The following ADGRL3 variants were observed in gnomAD, a reference collection of about 807,000 sequenced individuals.
ADGRL3 encodes the protein adhesion G protein-coupled receptor L3.
Under a neutral mutation model 153.5 loss-of-function variants are expected in ADGRL3, and 62 were observed. The ratio of observed to expected loss-of-function variants is 0.40; its 90% CI spans 0.33 to 0.50. ADGRL3 has a LOEUF of 0.50. Ranked by LOEUF, ADGRL3 falls within the 20% of genes least tolerant of loss-of-function variation. The pLI is 0.47. For missense variants in ADGRL3, 1,641 were observed against 1,859.4 expected, an observed-to-expected ratio of 0.88 and a Z score of 2.16; for synonymous variants, 710 against 672.5, an observed-to-expected ratio of 1.06 and a Z score of -0.86.
At chr4:61,282,505 G>A (rs1051277899) in intron 1 of ADGRL3, among the ~76,000 whole-genome samples, 2 of 151,998 alleles carry the variant, frequency 1.3e-5, no homozygotes, top group Non-Finnish European at 2.9e-5. Context: ...GTAGTATAGT[G>A]AGAAGTTGGC....
At chr4:61,396,113 G>A (rs940805800) in intron 2 of ADGRL3, among the ~76,000 whole-genome samples, 1 of 151,898 alleles carries the variant, frequency 6.6e-6, no homozygotes, top group Non-Finnish European at 1.5e-5. Flanking sequence ...TTTGTAAAGT[G>A]CTACCTACAG....
intron 6 of ADGRL3, among the ~76,000 whole-genome samples, chr4:61,686,333 A>G (rs969059016): frequency 2.0e-5 from 3 of 152,152 alleles, no homozygotes; most frequent in African/African-American, 7.2e-5. Context: ...GAGATCTATG[A>G]AGTAAATTTC....
At chr4:61,736,851 C>CA (rs1302089974) in intron 8 of ADGRL3, among the ~76,000 whole-genome samples, 4 of 152,142 alleles carry the variant, frequency 2.6e-5, no homozygotes, top group East Asian at 1.9e-4. Context: ...AGTATAATCA[C>CA]AAAAAACTAT....
intron 8 of ADGRL3, among the ~76,000 whole-genome samples, chr4:61,803,384 G>C (rs1450902): frequency 0.033 from 5,033 of 152,130 alleles, 265 homozygotes; most frequent in African/African-American, 0.11. Flanking sequence ...GGTACATGTT[G>C]TTAGGTAAAC....
intron 21 of ADGRL3, among the ~76,000 whole-genome samples, chr4:62,002,013 G>C (rs188350304): frequency 2.0e-5 from 3 of 152,008 alleles, no homozygotes; most frequent in Admixed American, 6.6e-5. Flanking sequence ...TCTAAAATGT[G>C]TTTGCTTCTC....
At chr4:61,735,050 C>G (rs897564552) in intron 8 of ADGRL3, among the ~76,000 whole-genome samples, 1 of 152,172 alleles carries the variant, frequency 6.6e-6, no homozygotes, top group African/African-American at 2.4e-5. Context: ...CTAGTATATG[C>G]ATATCTTTTT....
intron 2 of ADGRL3, among the ~76,000 whole-genome samples, chr4:61,485,759 A>C (rs1457089310): frequency 6.6e-6 from 1 of 152,194 alleles, no homozygotes; most frequent in Non-Finnish European, 1.5e-5. Context: ...CTTTATTTTT[A>C]AGTCAGTTAC....
chr4:61,668,738 G>T (rs1371893842), intron 5 of ADGRL3, among the ~76,000 whole-genome samples: 1 of 152,084 alleles, frequency 6.6e-6, no homozygotes, highest in African/African-American at 2.4e-5. Flanking sequence ...AAAAATGGAG[G>T]CCTGGCACAG....
intron 8 of ADGRL3, among the ~76,000 whole-genome samples, chr4:61,749,030 C>T (rs2096714414): frequency 6.6e-6 from 1 of 151,392 alleles, no homozygotes; most frequent in Non-Finnish European, 1.5e-5. Flanking sequence ...ACAAACAACC[C>T]CATCAAAAAG....
chr4:61,859,037 C>T (rs2098311774), intron 9 of ADGRL3, among the ~76,000 whole-genome samples: 1 of 152,124 alleles, frequency 6.6e-6, no homozygotes, highest in Admixed American at 6.5e-5. Context: ...ATGAATAAGC[C>T]TATAGTATTG....
intron 9 of ADGRL3, among the ~76,000 whole-genome samples, chr4:61,862,413 G>A (rs556411160): frequency 6.6e-6 from 1 of 152,168 alleles, no homozygotes; most frequent in African/African-American, 2.4e-5. Context: ...AGCCGGCATG[G>A]CCCACTTTTT....
intron 23 of ADGRL3, among the ~76,000 whole-genome samples, chr4:62,036,794 G>T (rs920281923): frequency 7.9e-5 from 12 of 152,004 alleles, no homozygotes; most frequent in African/African-American, 2.6e-4. Context: ...ATAAATTCCT[G>T]AACATATAAT....
At chr4:62,037,952 A>G in intron 24 of ADGRL3, 96 bp downstream of exon 24, 1 of 1,401,446 alleles carries the variant, frequency 7.1e-7, no homozygotes, top group Non-Finnish European at 9.9e-7. Context: ...TGTTTAACAC[A>G]TCGTTTGTTT....
chr4:61,901,845 A>G (rs1439325582), intron 11 of ADGRL3, among the ~76,000 whole-genome samples: 5 of 152,194 alleles, frequency 3.3e-5, no homozygotes, highest in Non-Finnish European at 7.3e-5. Context: ...TAATCCCACC[A>G]TATCAATATA....
chr4:61,725,501 A>G (rs2096313968), intron 6 of ADGRL3, among the ~76,000 whole-genome samples: 1 of 150,980 alleles, frequency 6.6e-6, no homozygotes, highest in Non-Finnish European at 1.5e-5. Flanking sequence ...AGGCTGAGGC[A>G]GGAGAATGGT....
chr4:61,620,931 G>T (rs867920965), intron 5 of ADGRL3, among the ~76,000 whole-genome samples: 1 of 151,990 alleles, frequency 6.6e-6, no homozygotes, highest in Non-Finnish European at 1.5e-5. Flanking sequence ...GAGCCACAGC[G>T]CCCAGCCAAT....
intron 6 of ADGRL3, among the ~76,000 whole-genome samples, chr4:61,719,190 G>A (rs920921095): frequency 6.6e-6 from 1 of 151,896 alleles, no homozygotes; most frequent in Admixed American, 6.6e-5. Context: ...TCTCTCAAAG[G>A]AGGAACATAA....
intron 4 of ADGRL3, among the ~76,000 whole-genome samples, chr4:61,521,653 T>G (rs1360874519): frequency 1.3e-5 from 2 of 152,062 alleles, no homozygotes; most frequent in African/African-American, 4.8e-5. Flanking sequence ...TAACAGGACT[T>G]AGATATTCAT....
chr4:61,381,649 A>C (rs1262227428), intron 1 of ADGRL3, among the ~76,000 whole-genome samples: 1 of 151,928 alleles, frequency 6.6e-6, no homozygotes, highest in African/African-American at 2.4e-5. Context: ...AAGATCTTAA[A>C]GGTGATGGTA....
Sources: gnomAD v4.1 joint callset for allele counts (sites outside exome capture counted in the v4.1 genomes callset) on GRCh38, gnomAD v4.1.1 for gene constraint, MANE v1.5 for transcripts, NCBI Gene and HGNC (gene_info 2026-07-23, HGNC 2026-07-21) for gene names.